SLC13A1: variants seen among roughly 807,000 people sequenced by gnomAD.
The protein encoded by SLC13A1 is solute carrier family 13 member 1.
SLC13A1 carries 65 observed loss-of-function variants against 70.0 expected under a neutral mutation model. The observed-to-expected ratio is 0.93, with a 90% CI of 0.76 to 1.14. The LOEUF (loss-of-function observed/expected upper bound fraction) is 1.14. Ranked by LOEUF, SLC13A1 falls within the 50% of genes most tolerant of loss-of-function variation. The pLI is 0.00. For synonymous variants in SLC13A1, 275 were observed against 250.5 expected, an observed-to-expected ratio of 1.10 and a Z score of -0.92; for missense variants, 726 against 717.8, an observed-to-expected ratio of 1.01 and a Z score of -0.13.
intron 6 of SLC13A1, among the ~76,000 whole-genome samples, chr7:123,151,982 G>C (rs984577960): frequency 1.3e-5 from 2 of 151,140 alleles, no homozygotes; most frequent in Non-Finnish European, 3.0e-5. Flanking sequence ...GCCTGTTACA[G>C]ACTCATTCTA....
chr7:123,192,798 T>A (rs756486322), intron 1 of SLC13A1, among the ~76,000 whole-genome samples: 1 of 152,180 alleles, frequency 6.6e-6, no homozygotes, highest in Non-Finnish European at 1.5e-5. Context: ...TAAGACTCAA[T>A]TTATATTAAT....
At chr7:123,180,872 C>A in intron 2 of SLC13A1, 101 bp downstream of exon 2, 1 of 1,301,576 alleles carries the variant, frequency 7.7e-7, no homozygotes, top group Non-Finnish European at 1.1e-6. Context: ...TATGTGGAAC[C>A]TTACCAACGA....
chr7:123,145,112 A>G (rs1779158397), intron 7 of SLC13A1, among the ~76,000 whole-genome samples: 3 of 152,162 alleles, frequency 2.0e-5, no homozygotes, highest in Admixed American at 6.5e-5. Context: ...CAGCCATGGC[A>G]AAAGTAGAGC....
intron 2 of SLC13A1, 70 bp downstream of exon 2, chr7:123,180,903 A>T: frequency 6.6e-7 from 1 of 1,515,366 alleles, no homozygotes; most frequent in Non-Finnish European, 8.9e-7. Flanking sequence ...CCCTTTAAAA[A>T]TAACTTTTCT....
At position 123,165,156 on chromosome 7, in the gene SLC13A1, G is replaced by A. The variant is rs538958431; in HGVS notation, c.660+3218C>T. Among the ~76,000 whole-genome samples, 6 of 151,938 alleles carry A rather than the reference G, an allele frequency of 3.9e-5. No individual in the cohort carries two copies. In the East Asian group the frequency reaches 1.2e-3, roughly 29 times the overall value. ...ACAAATTATATATACATTTATTCCTGAAAATATACCTATAATTGTTAAAAA... is the reference window on the plus strand; with the variant it reads ...ACAAATTATATATACATTTATTCCTAAAAATATACCTATAATTGTTAAAAA... On this transcript the variant is annotated intron_variant, in intron 6 of 14. Transcript: ENST00000194130.
chr7:123,154,148 G>A (rs1794643588), intron 6 of SLC13A1, among the ~76,000 whole-genome samples: 1 of 152,088 alleles, frequency 6.6e-6, no homozygotes, highest in Non-Finnish European at 1.5e-5. Context: ...ATGTCTGTGA[G>A]TTCTCTCTCA....
chr7:123,162,909 G>C (rs1451673695), intron 6 of SLC13A1, among the ~76,000 whole-genome samples: 3 of 151,912 alleles, frequency 2.0e-5, no homozygotes, highest in Non-Finnish European at 4.4e-5. Context: ...TTCCCTTTGA[G>C]GAATTACAAC....
chr7:123,134,881 G>A (rs1216702480), intron 7 of SLC13A1, among the ~76,000 whole-genome samples: 1 of 152,102 alleles, frequency 6.6e-6, no homozygotes, highest in South Asian at 2.1e-4. Flanking sequence ...GCGTTTTGTT[G>A]TCAATACTCC....
At position 123,129,446 on chromosome 7, in the gene SLC13A1, GTT is replaced by G; in HGVS notation, c.966_967del (p.Lys322AsnfsTer9). 1 of 1,611,758 alleles carries G rather than the reference GTT, an allele frequency of 6.2e-7. No homozygotes were observed. The highest frequency in any genetic ancestry group is 8.5e-7 in the Non-Finnish European group (1 of 1,179,154). On this transcript the variant is annotated frameshift_variant, in exon 9 of 15. Coordinates refer to ENST00000194130, the MANE Select transcript of SLC13A1 (RefSeq NM_022444.4). LOFTEE classifies it high-confidence loss of function. The stretch of plus-strand genomic sequence containing the variant: ...CTCAGCACAAGCTTTTTGTTGGACT[GTT>G]TTGGTTTTGCCACATTTGAACATCT...
chr7:123,175,509 CTT>C (rs1795417326), intron 2 of SLC13A1, among the ~76,000 whole-genome samples: 1 of 152,098 alleles, frequency 6.6e-6, no homozygotes. Context: ...ACTCCAACCT[CTT>C]GAATGGAATT....
chr7:123,156,179 A>G (rs955792012), intron 6 of SLC13A1, among the ~76,000 whole-genome samples: 13 of 152,140 alleles, frequency 8.5e-5, no homozygotes, highest in Middle Eastern at 3.4e-3. Flanking sequence ...TACTGGGGAT[A>G]ATGGGGTTAT....
intron 7 of SLC13A1, among the ~76,000 whole-genome samples, chr7:123,144,130 A>ATGTGCCCAAC (rs1794262137): frequency 6.6e-6 from 1 of 152,144 alleles, no homozygotes; most frequent in East Asian, 1.9e-4. Context: ...GTGGCAGATC[A>ATGTGCCCAAC]AGCATGCTGT....
At chr7:123,147,640 A>T (rs963769340) in intron 6 of SLC13A1, among the ~76,000 whole-genome samples, 1 of 152,024 alleles carries the variant, frequency 6.6e-6, no homozygotes, top group Non-Finnish European at 1.5e-5. Flanking sequence ...ACCCTGCCAG[A>T]CCCTGATCCA....
Position 123,183,718 on chromosome 7 carries a change from A to G in SLC13A1, c.100-2617T>C, listed in dbSNP as rs115871124. ...ATCAATCAGCATTTTCAGGCTCACA[A>G]GGTGATCCTTATCTAGGTTAAAGTT... On this transcript the variant is annotated intron_variant, in intron 1 of 14. Coordinates refer to ENST00000194130, the MANE Select transcript of SLC13A1 (RefSeq NM_022444.4). Among the ~76,000 whole-genome samples, 1,271 of 152,256 alleles carry G rather than the reference A, an allele frequency of 8.3e-3. 19 individuals carry two copies. Among genetic ancestry groups the G allele is most frequent in the African/African-American group, 0.028 (1,180 of 41,566 alleles).
chr7:123,132,373 T>C lies in SLC13A1; in HGVS notation c.932+2037A>G, dbSNP rs550347730. Among the ~76,000 whole-genome samples, 294 of 152,196 alleles carry C rather than the reference T, an allele frequency of 1.9e-3. 1 individual carries two copies. The highest frequency in any genetic ancestry group is 6.5e-3 in the African/African-American group (271 of 41,528). On this transcript the variant is annotated intron_variant, in intron 8 of 14. Coordinates refer to ENST00000194130, the MANE Select transcript of SLC13A1 (RefSeq NM_022444.4). ...ACTACTGATTTCAGCATTTTTCTTT[T>C]CTTTTCTTTTCTTTTGAGACAGACT...
At chr7:123,152,410 A>AT (rs1428795655) in intron 6 of SLC13A1, among the ~76,000 whole-genome samples, 3 of 152,012 alleles carry the variant, frequency 2.0e-5, no homozygotes, top group African/African-American at 4.8e-5. Flanking sequence ...TTTTTTTCTA[A>AT]TTTTTTAAGG....
rs185044553 is a variant in SLC13A1, at chr7:123,178,919, T to C, written c.228+2054A>G. ...AGAATGATCTATTCACTTTTGTGAATGTATAAATAATAACATTGGCTAACA... is the reference window on the plus strand; with the variant it reads ...AGAATGATCTATTCACTTTTGTGAACGTATAAATAATAACATTGGCTAACA... On this transcript the variant is annotated intron_variant, in intron 2 of 14. Coordinates refer to ENST00000194130, the MANE Select transcript of SLC13A1 (RefSeq NM_022444.4). 4.6e-3 allele frequency among the ~76,000 whole-genome samples: 704 copies of C among 152,306 alleles called. 4 individuals carry two copies. Among genetic ancestry groups the C allele is most frequent in the African/African-American group, 0.016 (663 of 41,578 alleles).
At chr7:123,138,570 T>C (rs1412330369) in intron 7 of SLC13A1, among the ~76,000 whole-genome samples, 1 of 152,176 alleles carries the variant, frequency 6.6e-6, no homozygotes, top group Non-Finnish European at 1.5e-5. Context: ...TCTACATCCC[T>C]GCCAGCATTT....
intron 6 of SLC13A1, among the ~76,000 whole-genome samples, chr7:123,147,739 GC>G (rs1453632954): frequency 6.6e-6 from 1 of 152,114 alleles, no homozygotes; most frequent in Non-Finnish European, 1.5e-5. Flanking sequence ...GACTAATATA[GC>G]ATTTATCTTT....
Sources: allele counts gnomAD v4.1 joint callset (sites outside exome capture counted in the v4.1 genomes callset), GRCh38; gene constraint gnomAD v4.1.1; transcripts MANE v1.5; gene names NCBI Gene and HGNC (gene_info 2026-07-23, HGNC 2026-07-21).